The following RGS20 variants were observed in gnomAD, a reference collection of about 807,000 sequenced individuals.
RGS20 encodes gz-selective GTPase-activating protein.
Under a neutral mutation model 33.6 loss-of-function variants are expected in RGS20, and 30 were observed. The observed-to-expected ratio is 0.89, with a 90% CI of 0.67 to 1.21. The LOEUF (loss-of-function observed/expected upper bound fraction) is 1.21, where lower values mean the gene tolerates loss of function less well. RGS20 is among the 50% of genes most tolerant of loss of function. The probability of loss-of-function intolerance (pLI) is 0.00; values close to 1 mark genes in which losing one functional copy is unlikely to be tolerated. For synonymous variants in RGS20, 208 were observed against 197.9 expected (o/e 1.05, Z -0.43); for missense variants, 472 against 502.4 (o/e 0.94, Z 0.58).
At position 53,885,123 on chromosome 8, in the gene RGS20, A is replaced by G. The variant is rs148623136; in HGVS notation, c.510+5521A>G. 2.3e-3 allele frequency among the ~76,000 whole-genome samples: 357 copies of G among 152,340 alleles called. 6 individuals carry two copies. Among genetic ancestry groups the G allele is most frequent in the African/African-American group, 7.9e-3 (329 of 41,582 alleles). The stretch of plus-strand genomic sequence containing the variant: ...TTTATTATTCTAGATTTTATGGACT[A>G]GCGAGAGTAAAAGAGAAAAGCTTTC... On this transcript the variant is annotated intron_variant, in intron 2 of 5. Coordinates refer to ENST00000297313, the MANE Select transcript of RGS20 (RefSeq NM_170587.4).
intron 2 of RGS20, among the ~76,000 whole-genome samples, chr8:53,933,124 C>T (rs1302471699): frequency 2.0e-5 from 3 of 152,072 alleles, no homozygotes; most frequent in African/African-American, 4.8e-5. Flanking sequence ...CATCAAAAAC[C>T]AAAGGTAGAT....
chr8:53,886,140 G>A (rs1765058953), intron 2 of RGS20, among the ~76,000 whole-genome samples: 2 of 152,188 alleles, frequency 1.3e-5, no homozygotes, highest in South Asian at 4.1e-4. Context: ...TCAGAGCTTA[G>A]CATTTAGTAC....
intron 2 of RGS20, among the ~76,000 whole-genome samples, chr8:53,924,924 A>G (rs951692355): frequency 5.9e-5 from 9 of 152,172 alleles, no homozygotes; most frequent in African/African-American, 1.7e-4. Context: ...TGTTTTTTAT[A>G]AGCTTCCATC....
intron 1 of RGS20, among the ~76,000 whole-genome samples, chr8:53,871,755 ATGT>A (rs1812075153): frequency 6.6e-6 from 1 of 152,180 alleles, no homozygotes; most frequent in South Asian, 2.1e-4. Context: ...TCCTGACTAA[ATGT>A]TGTCAAGGGA....
At chr8:53,929,790 T>C (rs1324645320) in intron 2 of RGS20, among the ~76,000 whole-genome samples, 1 of 152,228 alleles carries the variant, frequency 6.6e-6, no homozygotes, top group Non-Finnish European at 1.5e-5. Flanking sequence ...TTAAAATTCT[T>C]CCAGACATTT....
intron 1 of RGS20, among the ~76,000 whole-genome samples, chr8:53,857,269 G>T (rs559932481): frequency 1.4e-3 from 214 of 152,310 alleles, no homozygotes; most frequent in African/African-American, 4.9e-3. Context: ...TGTCTCCTCT[G>T]GCACCTGCTG....
intron 2 of RGS20, among the ~76,000 whole-genome samples, chr8:53,902,606 A>G (rs1272360101): frequency 6.6e-6 from 1 of 152,190 alleles, no homozygotes; most frequent in African/African-American, 2.4e-5. Context: ...TGTGCATGCC[A>G]TTCCCTGTCT....
At chr8:53,925,719 G>C (rs1416029950) in intron 2 of RGS20, among the ~76,000 whole-genome samples, 1 of 151,716 alleles carries the variant, frequency 6.6e-6, no homozygotes, top group African/African-American at 2.4e-5. Flanking sequence ...TGGGCAACAA[G>C]AGCGAAACTC....
chr8:53,876,964 G>C (rs879540707), intron 1 of RGS20, among the ~76,000 whole-genome samples: 1 of 152,218 alleles, frequency 6.6e-6, no homozygotes, highest in Non-Finnish European at 1.5e-5. Flanking sequence ...TGAGGAAGGG[G>C]CAGGGGCTTG....
chr8:53,871,782 C>G (rs1286672894), intron 1 of RGS20, among the ~76,000 whole-genome samples: 1 of 152,120 alleles, frequency 6.6e-6, no homozygotes, highest in Non-Finnish European at 1.5e-5. Context: ...CCTTTTCCAC[C>G]TAGATATGGT....
intron 2 of RGS20, among the ~76,000 whole-genome samples, chr8:53,919,595 T>C (rs1314222951): frequency 6.7e-6 from 1 of 150,170 alleles, no homozygotes; most frequent in African/African-American, 2.4e-5. Context: ...ATTTTTTCTT[T>C]TTTTTTTTTT....
rs780414377 is a variant in RGS20, at chr8:53,879,525, C to G, written c.433C>G (p.Arg145Gly). ...ACTGCCCGGCCGACCCTCGGGGGGTCGTCCGCTGAGGCCCCCCCATCCGGT... is the reference window on the plus strand; with the variant it reads ...ACTGCCCGGCCGACCCTCGGGGGGTGGTCCGCTGAGGCCCCCCCATCCGGT... Residue 145 changes from arginine to glycine, a missense_variant, in exon 2 of 6, where the codon CGT becomes GGT. Transcript: ENST00000297313. 5.8e-6 allele frequency: 9 copies of G among 1,541,354 alleles called. No homozygotes were observed. The South Asian group carries it at 1.1e-4, about 18-fold the overall frequency.
chr8:53,902,810 C>T (rs1813066471), intron 2 of RGS20, among the ~76,000 whole-genome samples: 1 of 152,108 alleles, frequency 6.6e-6, no homozygotes, highest in Non-Finnish European at 1.5e-5. Flanking sequence ...ACAGCAACCT[C>T]TGCCTCCCGG....
chr8:53,864,212 G>A (rs545841153), intron 1 of RGS20, among the ~76,000 whole-genome samples: 1 of 151,758 alleles, frequency 6.6e-6, no homozygotes, highest in African/African-American at 2.4e-5. Context: ...GATCACTTGA[G>A]GTCGATCAGG....
chr8:53,924,923 T>A (rs1343026788), intron 2 of RGS20, among the ~76,000 whole-genome samples: 1 of 152,184 alleles, frequency 6.6e-6, no homozygotes, highest in East Asian at 1.9e-4. Context: ...GTGTTTTTTA[T>A]AAGCTTCCAT....
chr8:53,866,465 C>T (rs2129269653), intron 1 of RGS20, among the ~76,000 whole-genome samples: 1 of 152,172 alleles, frequency 6.6e-6, no homozygotes, highest in African/African-American at 2.4e-5. Flanking sequence ...CAACCTCCGC[C>T]TCCCAGGTTC....
intron 2 of RGS20, chr8:53,880,875 G>A: frequency 6.8e-7 from 1 of 1,465,668 alleles, no homozygotes; most frequent in Non-Finnish European, 9.0e-7. Context: ...AGGAGGCAGA[G>A]CAAGGGGAGG....
chr8:53,861,009 T>G (rs1040567556), intron 1 of RGS20, among the ~76,000 whole-genome samples: 2 of 151,812 alleles, frequency 1.3e-5, no homozygotes, highest in African/African-American at 2.4e-5. Context: ...GTTCTTTAGG[T>G]TGTAAGACAA....
intron 2 of RGS20, among the ~76,000 whole-genome samples, chr8:53,934,580 C>G (rs1157199474): frequency 6.6e-6 from 1 of 152,106 alleles, no homozygotes. Context: ...CATATATGCA[C>G]CCAATAAAGG....
Sources: allele counts gnomAD v4.1 joint callset (sites outside exome capture counted in the v4.1 genomes callset), GRCh38; gene constraint gnomAD v4.1.1; transcripts MANE v1.5; gene names NCBI Gene and HGNC (gene_info 2026-07-23, HGNC 2026-07-21).